The following RAB11A variants were observed in gnomAD, a reference collection of about 807,000 sequenced individuals.
RAB11A encodes ras-related protein Rab-11A.
In RAB11A, 9 loss-of-function variants were observed where a neutral mutation model predicts 28.0. The observed-to-expected ratio is 0.32, with a 90% CI of 0.19 to 0.56. RAB11A has a LOEUF of 0.56. RAB11A is among the 20% of genes least tolerant of loss of function. The probability of loss-of-function intolerance (pLI) is 0.91; values close to 1 mark genes in which losing one functional copy is unlikely to be tolerated. For synonymous variants in RAB11A, 85 were observed against 88.2 expected, an observed-to-expected ratio of 0.96 and a Z score of 0.20; for missense variants, 108 against 269.6, an observed-to-expected ratio of 0.40 and a Z score of 4.20.
At chr15:65,881,391 C>T (rs997360851) in intron 4 of RAB11A, among the ~76,000 whole-genome samples, 11 of 152,194 alleles carry the variant, frequency 7.2e-5, no homozygotes. Flanking sequence ...ACTAAAGTCA[C>T]TGAACCTCCC....
intron 1 of RAB11A, among the ~76,000 whole-genome samples, chr15:65,875,738 C>T (rs1395389819): frequency 6.6e-6 from 1 of 152,236 alleles, no homozygotes; most frequent in Non-Finnish European, 1.5e-5. Context: ...CTTATATCCA[C>T]TCCTGTGGCA....
intron 4 of RAB11A, among the ~76,000 whole-genome samples, chr15:65,879,956 T>TG (rs2078212344): frequency 6.6e-6 from 1 of 152,220 alleles, no homozygotes; most frequent in Non-Finnish European, 1.5e-5. Context: ...TGATTTATAG[T>TG]GGGAAAAATA....
At position 65,890,145 on chromosome 15, in the gene RAB11A, C is replaced by T. The variant is rs963268083; in HGVS notation, c.*2305C>T. The T allele has an allele frequency of 1.5e-4, 23 of 151,896 alleles. No individual in the cohort carries two copies. Among genetic ancestry groups the T allele is most frequent in the African/African-American group, 4.8e-4 (20 of 41,350 alleles). The allele number at this position is 151,896 out of a possible 1,614,324, so 9.4% of individuals were successfully genotyped here. On this transcript the variant is annotated 3_prime_UTR_variant, in exon 5 of 5. Transcript: ENST00000261890. ...CCATCTCAGCTCACTGCAAGCTCCA[C>T]CTCCAGGGTTCATGCCATTCTCCTG... is the stretch of plus-strand genomic sequence containing the variant.
intron 4 of RAB11A, among the ~76,000 whole-genome samples, chr15:65,884,299 A>ATT (rs2078241132): frequency 6.6e-6 from 1 of 152,216 alleles, no homozygotes; most frequent in Non-Finnish European, 1.5e-5. Context: ...ATTAACTTGC[A>ATT]TCTTTAAGCT....
At chr15:65,875,045 CAAAA>C (rs369670961) in intron 1 of RAB11A, among the ~76,000 whole-genome samples, 3 of 150,986 alleles carry the variant, frequency 2.0e-5, no homozygotes, top group Non-Finnish European at 4.4e-5. Context: ...GACCCTGTCT[CAAAA>C]AAAGAAAGAA....
chr15:65,876,294 T>C (rs2141102784), intron 1 of RAB11A, among the ~76,000 whole-genome samples: 1 of 152,194 alleles, frequency 6.6e-6, no homozygotes, highest in South Asian at 2.1e-4. Flanking sequence ...CTTTGTTGTA[T>C]TTTATTTTAT....
At chr15:65,887,503 TA>T (rs2078262675) in intron 4 of RAB11A, among the ~76,000 whole-genome samples, 197 bp from the exon 5 acceptor site, 1 of 152,228 alleles carries the variant, frequency 6.6e-6, no homozygotes, top group South Asian at 2.1e-4. Flanking sequence ...TTTCTTTTCT[TA>T]CCCAAAGGGC....
intron 4 of RAB11A, among the ~76,000 whole-genome samples, chr15:65,886,920 C>T (rs961294196): frequency 1.3e-5 from 2 of 152,162 alleles, no homozygotes; most frequent in Admixed American, 6.5e-5. Context: ...AAGTTTTGTT[C>T]AGGAGGTCAC....
At chr15:65,871,919 G>GTTTTTTTTT (rs960414631) in intron 1 of RAB11A, among the ~76,000 whole-genome samples, 7 of 72,056 alleles carry the variant, frequency 9.7e-5, no homozygotes, top group African/African-American at 1.7e-4. Context: ...GGTTTTGTCA[G>GTTTTTTTTT]TTTTTTTTTT....
In RAB11A at chr15:65,882,171, C is replaced by G. The variant is rs114814173; in HGVS notation, c.511+2420C>G. 4.4e-3 allele frequency among the ~76,000 whole-genome samples: 669 copies of G among 152,360 alleles called. 4 individuals carry two copies. Among genetic ancestry groups the G allele is most frequent in the African/African-American group, 0.015 (611 of 41,590 alleles). On this transcript the variant is annotated intron_variant, in intron 4 of 4. Coordinates refer to ENST00000261890, the MANE Select transcript of RAB11A (RefSeq NM_004663.5). ...AAGACTTTAGTTTCACTTGCTACCA[C>G]TTTTCCTTTCTATATTCACTGTTTC...
chr15:65,877,177 G>C lies in RAB11A; in HGVS notation c.41-155G>C, dbSNP rs935914212. ...ATTGGTAACTGGTCAAGAACATGCT[G>C]TTCAACCCCCTACCCCCATTCCTTT... On this transcript the variant is annotated intron_variant, in intron 1 of 4. Coordinates refer to ENST00000261890, the MANE Select transcript of RAB11A (RefSeq NM_004663.5). This position sits in a 1 kb window ranked among gnomAD's most constrained non-coding sequence, Gnocchi z 4.1. Among the ~76,000 whole-genome samples the C allele has an allele frequency of 2.0e-5, 3 of 152,200 alleles. No homozygotes were observed. Among genetic ancestry groups the C allele is most frequent in the Non-Finnish European group, 2.9e-5 (2 of 68,034 alleles).
At chr15:65,879,547 G>A (rs1224575376) in intron 3 of RAB11A, 124 bp from the exon 4 acceptor site, 1 of 632,918 alleles carries the variant, frequency 1.6e-6, no homozygotes, top group East Asian at 2.8e-5. Flanking sequence ...TGCCCTTACT[G>A]TCCCAGAAGT....
intron 1 of RAB11A, among the ~76,000 whole-genome samples, chr15:65,876,647 C>T (rs373305529): frequency 6.6e-6 from 1 of 152,148 alleles, no homozygotes; most frequent in East Asian, 1.9e-4. Flanking sequence ...TTTCCTAATA[C>T]CCCCTGTTTA....
intron 4 of RAB11A, 139 bp downstream of exon 4, chr15:65,879,890 G>GC: frequency 1.6e-6 from 1 of 620,070 alleles, no homozygotes; most frequent in Non-Finnish European, 2.7e-6. Flanking sequence ...AAGCTGTTTA[G>GC]AGTGCAAAAT....
In RAB11A at chr15:65,877,601, A is replaced by G; in HGVS notation, c.236+74A>G. The G allele has an allele frequency of 6.9e-7, 1 of 1,457,824 alleles. No individual in the cohort carries two copies. Among genetic ancestry groups the G allele is most frequent in the East Asian group, 2.3e-5 (1 of 42,730 alleles). The allele number at this position is 1,457,824 out of a possible 1,614,324, so 90.3% of individuals were successfully genotyped here. Reference sequence around the variant, plus strand: ...AATTAGCTGACTTTTGGTATTGGAAAAAGAACTGTTGTTTTTTTCTTTTAA... The same window carrying G: ...AATTAGCTGACTTTTGGTATTGGAAGAAGAACTGTTGTTTTTTTCTTTTAA... On this transcript the variant is annotated intron_variant, in intron 2 of 4. Coordinates refer to ENST00000261890, the MANE Select transcript of RAB11A (RefSeq NM_004663.5). This position sits in a 1 kb window ranked among gnomAD's most constrained non-coding sequence, Gnocchi z 4.1.
At chr15:65,871,748 T>C (rs1038666238) in intron 1 of RAB11A, among the ~76,000 whole-genome samples, 2 of 152,110 alleles carry the variant, frequency 1.3e-5, no homozygotes, top group Non-Finnish European at 2.9e-5. Flanking sequence ...ATATTTACTT[T>C]ATGACCTTGG....
intron 4 of RAB11A, among the ~76,000 whole-genome samples, chr15:65,884,260 A>G (rs986530067): frequency 9.9e-5 from 15 of 152,214 alleles, no homozygotes; most frequent in African/African-American, 3.6e-4. Context: ...CAGTCATTCA[A>G]TCAGATGAGT....
chr15:65,881,577 G>T (rs1005641065), intron 4 of RAB11A, among the ~76,000 whole-genome samples: 1 of 152,046 alleles, frequency 6.6e-6, no homozygotes, highest in African/African-American at 2.4e-5. Context: ...CATTTATTCT[G>T]ATATTAAGTG....
Position 65,881,580 on chromosome 15 carries a change from A to G in RAB11A, c.511+1829A>G, listed in dbSNP as rs76311282. 9.3e-3 allele frequency among the ~76,000 whole-genome samples: 1,417 copies of G among 152,292 alleles called. 23 individuals are homozygous for G. Among genetic ancestry groups the G allele is most frequent in the South Asian group, 0.057 (275 of 4,828 alleles). Reference sequence around the variant, plus strand: ...GTAATTCTGGCCCATTTATTCTGATATTAAGTGAAGATGAGCCCAAGTCTT... The same window carrying G: ...GTAATTCTGGCCCATTTATTCTGATGTTAAGTGAAGATGAGCCCAAGTCTT... On this transcript the variant is annotated intron_variant, in intron 4 of 4. Transcript: ENST00000261890.
Sources: allele counts gnomAD v4.1 joint callset (sites outside exome capture counted in the v4.1 genomes callset), GRCh38; gene constraint gnomAD v4.1.1; non-coding constraint Gnocchi (gnomAD v3.1); transcripts MANE v1.5; gene names NCBI Gene and HGNC (gene_info 2026-07-23, HGNC 2026-07-21).